The following LMX1A variants were observed in gnomAD, a reference collection of about 807,000 sequenced individuals.
LMX1A encodes LIM homeobox transcription factor 1-alpha.
LMX1A carries 15 observed loss-of-function variants against 49.1 expected under a neutral mutation model. The ratio of observed to expected loss-of-function variants is 0.31; its 90% CI spans 0.20 to 0.47. The LOEUF (loss-of-function observed/expected upper bound fraction) is 0.47. Ranked by LOEUF, LMX1A falls within the 20% of genes least tolerant of loss-of-function variation. The pLI is 1.00. For missense variants in LMX1A, 372 were observed against 475.8 expected, an observed-to-expected ratio of 0.78 and a Z score of 2.03; for synonymous variants, 167 against 185.7, an observed-to-expected ratio of 0.90 and a Z score of 0.82.
intron 4 of LMX1A, among the ~76,000 whole-genome samples, chr1:165,221,468 C>G (rs995470102): frequency 1.3e-5 from 2 of 152,138 alleles, no homozygotes; most frequent in Non-Finnish European, 2.9e-5. Flanking sequence ...CTCCAAGCAC[C>G]GTGCACTAAG....
intron 3 of LMX1A, among the ~76,000 whole-genome samples, chr1:165,262,379 T>C (rs1333207225): frequency 2.0e-5 from 3 of 152,242 alleles, no homozygotes; most frequent in African/African-American, 7.2e-5. Context: ...GAAAGCTACC[T>C]GTTAAGAATG....
intron 3 of LMX1A, among the ~76,000 whole-genome samples, chr1:165,339,501 G>A (rs944693395): frequency 6.6e-6 from 1 of 152,210 alleles, no homozygotes. Context: ...AGGTCAGGCC[G>A]GTGAGCTTCG....
chr1:165,235,937 G>T lies in LMX1A; in HGVS notation c.496+13471C>A, dbSNP rs147299480. Among the ~76,000 whole-genome samples, 971 of 152,200 alleles carry T rather than the reference G, an allele frequency of 6.4e-3. 6 individuals are homozygous for T. The highest frequency in any genetic ancestry group is 0.021 in the African/African-American group (855 of 41,532). On this transcript the variant is annotated intron_variant, in intron 4 of 8. Coordinates refer to ENST00000342310, the MANE Select transcript of LMX1A (RefSeq NM_177398.4). ...GCGCCTGGCCTCTTGCATTTCTAAG[G>T]GGCCTTTGAAGACAGGGCCGAATGC...
intron 4 of LMX1A, among the ~76,000 whole-genome samples, chr1:165,230,928 T>C (rs2102620276): frequency 6.6e-6 from 1 of 152,278 alleles, no homozygotes; most frequent in Admixed American, 6.5e-5. Context: ...TCTTGCCCAC[T>C]GCCCAGGGAA....
intron 3 of LMX1A, among the ~76,000 whole-genome samples, chr1:165,277,325 C>T (rs1044263484): frequency 2.4e-4 from 36 of 152,164 alleles, no homozygotes; most frequent in African/African-American, 8.4e-4. Flanking sequence ...CGGCCCACCT[C>T]CCCACTCTCC....
intron 4 of LMX1A, among the ~76,000 whole-genome samples, chr1:165,243,407 C>T (rs1329032086): frequency 6.6e-6 from 1 of 152,200 alleles, no homozygotes; most frequent in Non-Finnish European, 1.5e-5. Context: ...TCATGGGCTA[C>T]ATCAACAGAA....
intron 3 of LMX1A, among the ~76,000 whole-genome samples, chr1:165,287,160 A>G (rs779256675): frequency 9.2e-5 from 14 of 152,238 alleles, no homozygotes; most frequent in Non-Finnish European, 1.0e-4. Context: ...TTGGCTAGCC[A>G]GTTGCCCCAA....
At chr1:165,218,419 C>G (rs1444629222) in intron 4 of LMX1A, 9 of 152,334 alleles carry the variant, frequency 5.9e-5, no homozygotes, top group Admixed American at 5.9e-4. Context: ...TCTCAAAGTA[C>G]AGATAGATGC....
chr1:165,203,747 T>C lies in LMX1A; in HGVS notation c.*133A>G. The C allele has an allele frequency of 2.9e-6, 2 of 692,074 alleles. No homozygotes were observed. The highest frequency in any genetic ancestry group is 5.1e-6 in the Non-Finnish European group (2 of 394,318). The allele number at this position is 692,074 out of a possible 1,614,324, so 42.9% of individuals were successfully genotyped here. ...AATGCTGAGCTACACCATATCATTA[T>C]ACAACAGCATCCCCAACAAAACTCC... is the stretch of plus-strand genomic sequence containing the variant. On this transcript the variant is annotated 3_prime_UTR_variant, in exon 9 of 9. Transcript: ENST00000342310.
chr1:165,263,863 C>T (rs1007676297), intron 3 of LMX1A, among the ~76,000 whole-genome samples: 5 of 152,174 alleles, frequency 3.3e-5, no homozygotes, highest in Admixed American at 6.5e-5. Context: ...GGGTTGTCCT[C>T]ATCAAATGGT....
rs148596878 is a variant in LMX1A, at chr1:165,244,212, A to T, written c.496+5196T>A. 1.7e-4 allele frequency among the ~76,000 whole-genome samples: 26 copies of T among 152,224 alleles called. No homozygotes were observed. The East Asian group carries it at 5.0e-3, about 29-fold the overall frequency. On this transcript the variant is annotated intron_variant, in intron 4 of 8. Transcript: ENST00000342310. Reference sequence around the variant, plus strand: ...GGAAGCTCTGCACCCCTTCCCCCATACCTTGCCCTATGAATTTCTTCACCT... The same window carrying T: ...GGAAGCTCTGCACCCCTTCCCCCATTCCTTGCCCTATGAATTTCTTCACCT...
intron 4 of LMX1A, among the ~76,000 whole-genome samples, chr1:165,239,994 A>G (rs900067696): frequency 1.3e-5 from 2 of 152,184 alleles, no homozygotes; most frequent in African/African-American, 4.8e-5. Flanking sequence ...TTGTGCTTTG[A>G]AGCAGTGTTT....
chr1:165,209,990 T>C lies in LMX1A; in HGVS notation c.747+709A>G, dbSNP rs574637836. ...CACCCAGTTGGTATCCACTGCACAA[T>C]TGATTGCTTGCTTGGTGTATGGAGA... is the stretch of plus-strand genomic sequence containing the variant. On this transcript the variant is annotated intron_variant, in intron 6 of 8. Coordinates refer to ENST00000342310, the MANE Select transcript of LMX1A (RefSeq NM_177398.4). Among the ~76,000 whole-genome samples the C allele has an allele frequency of 3.3e-5, 5 of 152,356 alleles. No homozygotes were observed. The South Asian group carries it at 1.0e-3, about 32-fold the overall frequency.
intron 3 of LMX1A, among the ~76,000 whole-genome samples, chr1:165,352,659 T>C (rs1370832955): frequency 6.6e-6 from 1 of 152,076 alleles, no homozygotes; most frequent in Non-Finnish European, 1.5e-5. Context: ...GACACCTGGG[T>C]AACATGGGGT....
intron 4 of LMX1A, chr1:165,216,273 G>A (rs969508591): frequency 1.2e-4 from 19 of 152,146 alleles, no homozygotes; most frequent in African/African-American, 4.1e-4. Context: ...TCCCACAGGA[G>A]GATAAAAGGT....
chr1:165,236,560 A>G (rs922644091), intron 4 of LMX1A, among the ~76,000 whole-genome samples: 3 of 152,054 alleles, frequency 2.0e-5, no homozygotes, highest in Non-Finnish European at 4.4e-5. Flanking sequence ...TTACACATGG[A>G]TTTGTGTTTG....
chr1:165,349,379 ATT>A (rs1656345508), intron 3 of LMX1A, among the ~76,000 whole-genome samples: 2 of 152,204 alleles, frequency 1.3e-5, no homozygotes, highest in African/African-American at 4.8e-5. Context: ...GCTGGAAAAT[ATT>A]TTGATTGTCT....
chr1:165,345,623 C>T (rs538575072), intron 3 of LMX1A, among the ~76,000 whole-genome samples: 3 of 152,110 alleles, frequency 2.0e-5, no homozygotes, highest in Non-Finnish European at 4.4e-5. Context: ...AAATGGTTAC[C>T]CAAAGAGTAA....
chr1:165,322,377 C>A (rs1216393924), intron 3 of LMX1A, among the ~76,000 whole-genome samples: 1 of 152,152 alleles, frequency 6.6e-6, no homozygotes, highest in Admixed American at 6.5e-5. Flanking sequence ...TGTACAAAAT[C>A]TTCATAGCAG....
Sources: gnomAD v4.1 joint callset for allele counts (sites outside exome capture counted in the v4.1 genomes callset) on GRCh38, gnomAD v4.1.1 for gene constraint, MANE v1.5 for transcripts, NCBI Gene and HGNC (gene_info 2026-07-23, HGNC 2026-07-21) for gene names.